The following VSTM2L variants were observed in gnomAD, a reference collection of about 807,000 sequenced individuals.
VSTM2L encodes V-set and transmembrane domain containing 2 like.
VSTM2L carries 9 observed loss-of-function variants against 19.9 expected under a neutral mutation model. The ratio of observed to expected loss-of-function variants is 0.45; its 90% CI spans 0.27 to 0.79. The LOEUF (loss-of-function observed/expected upper bound fraction) is 0.79. Among genes scored for constraint, VSTM2L ranks in the 30% least tolerant of loss-of-function variants. The pLI, the probability that VSTM2L is intolerant of heterozygous loss-of-function variation, is 0.15. For missense variants in VSTM2L, 286 were observed against 295.5 expected (o/e 0.97, Z 0.24); for synonymous variants, 127 against 133.8 (o/e 0.95, Z 0.35).
chr20:37,914,366 A>G (rs1186587570), intron 1 of VSTM2L, among the ~76,000 whole-genome samples: 6 of 1,374 alleles, frequency 4.4e-3, no homozygotes, highest in South Asian at 0.031. Flanking sequence ...GGGTGTTTAT[A>G]TATGTGTGTG....
intron 1 of VSTM2L, among the ~76,000 whole-genome samples, chr20:37,916,587 T>C (rs1023010063): frequency 6.6e-5 from 10 of 152,246 alleles, no homozygotes; most frequent in Non-Finnish European, 1.5e-5. Context: ...CCTGCTCAGC[T>C]ATGTCGGGGT....
chr20:37,909,760 G>T (rs542268363), intron 1 of VSTM2L, among the ~76,000 whole-genome samples: 4 of 152,132 alleles, frequency 2.6e-5, no homozygotes, highest in Non-Finnish European at 5.9e-5. Flanking sequence ...GAGTCCAAGG[G>T]TCGCGCCCTT....
At chr20:37,915,879 C>G (rs2072815716) in intron 1 of VSTM2L, among the ~76,000 whole-genome samples, 1 of 152,178 alleles carries the variant, frequency 6.6e-6, no homozygotes, top group African/African-American at 2.4e-5. Context: ...CTGCCTCCAT[C>G]TGTCCCTGTC....
At position 37,944,825 on chromosome 20, in the gene VSTM2L, G is replaced by GC. The variant is rs1292715371; in HGVS notation, c.*576dup. 1 of 985,928 alleles carries GC rather than the reference G, an allele frequency of 1.0e-6. No homozygotes were observed. Among genetic ancestry groups the GC allele is most frequent in the Non-Finnish European group, 1.2e-6 (1 of 830,142 alleles). 61.1% of individuals were successfully genotyped at this position (985,928 alleles called of 1,614,324 possible). ...TGGAGGCCTAGGGGAACAGCGAGAT[G>GC]CCCCACCACCTCCTGGCGAGTCCTT... On this transcript the variant is annotated 3_prime_UTR_variant, in exon 4 of 4. Coordinates refer to ENST00000373461, the MANE Select transcript of VSTM2L (RefSeq NM_080607.3).
chr20:37,929,858 G>C (rs74929558), intron 1 of VSTM2L, among the ~76,000 whole-genome samples: 9 of 152,216 alleles, frequency 5.9e-5, no homozygotes, highest in East Asian at 1.9e-4. Context: ...CTGGAAGGAG[G>C]GGGTGGCCCT....
chr20:37,934,158 G>A (rs535115584), intron 3 of VSTM2L, among the ~76,000 whole-genome samples: 2 of 152,366 alleles, frequency 1.3e-5, no homozygotes, highest in East Asian at 1.9e-4. Flanking sequence ...CACGCCAAGG[G>A]TGACTGGTGT....
At chr20:37,908,780 T>C (rs2072764275) in intron 1 of VSTM2L, among the ~76,000 whole-genome samples, 1 of 152,186 alleles carries the variant, frequency 6.6e-6, no homozygotes, top group Non-Finnish European at 1.5e-5. Context: ...TCCAGCCTGG[T>C]TGACAAAGTG....
intron 3 of VSTM2L, among the ~76,000 whole-genome samples, chr20:37,940,106 G>A (rs2072963474): frequency 6.6e-6 from 1 of 152,210 alleles, no homozygotes; most frequent in Non-Finnish European, 1.5e-5. Flanking sequence ...TACTCCATTA[G>A]CGCCTTGTAG....
chr20:37,903,186 G>A lies in VSTM2L; in HGVS notation c.-165G>A. ...TCCCCGAAGCCGGGGCTGGGCCGGA[G>A]CCGGGCGAGGGCTGGGAGCTGGGCC... is the stretch of plus-strand genomic sequence containing the variant. On this transcript the variant is annotated 5_prime_UTR_variant, in exon 1 of 4. Transcript: ENST00000373461. The A allele has an allele frequency of 1.1e-6, 1 of 949,198 alleles. No homozygotes were observed. Among genetic ancestry groups the A allele is most frequent in the East Asian group, 3.8e-5 (1 of 26,258 alleles). The allele number at this position is 949,198 out of a possible 1,614,324, so 58.8% of individuals were successfully genotyped here.
intron 1 of VSTM2L, among the ~76,000 whole-genome samples, chr20:37,916,204 C>G (rs1308983049): frequency 1.3e-5 from 2 of 152,230 alleles, no homozygotes; most frequent in Non-Finnish European, 1.5e-5. Context: ...ATGGGCTCAC[C>G]CCACTAGCTT....
At chr20:37,935,074 T>G (rs1279756399) in intron 3 of VSTM2L, among the ~76,000 whole-genome samples, 1 of 152,016 alleles carries the variant, frequency 6.6e-6, no homozygotes. Context: ...TTGCCTGGGG[T>G]TTAAGGAGCG....
intron 2 of VSTM2L, among the ~76,000 whole-genome samples, chr20:37,932,539 G>A (rs757730252): frequency 4.6e-5 from 7 of 152,032 alleles, no homozygotes; most frequent in Admixed American, 1.3e-4. Context: ...CAGCTCCCTC[G>A]CCCTTAGCTG....
intron 3 of VSTM2L, among the ~76,000 whole-genome samples, chr20:37,937,738 G>C (rs1255166508): frequency 6.6e-6 from 1 of 152,154 alleles, no homozygotes; most frequent in East Asian, 1.9e-4. Flanking sequence ...TGTGAGAGAC[G>C]GGTGTTAATC....
At chr20:37,933,422 T>C in intron 2 of VSTM2L, 117 bp from the exon 3 acceptor site, 1 of 838,092 alleles carries the variant, frequency 1.2e-6, no homozygotes, top group Non-Finnish European at 1.9e-6. Context: ...TCTGCTGTCG[T>C]GAGAATCTTA....
chr20:37,907,679 A>ACACACC (rs2072758413), intron 1 of VSTM2L, among the ~76,000 whole-genome samples: 2 of 150,874 alleles, frequency 1.3e-5, no homozygotes, highest in African/African-American at 4.9e-5. Context: ...CTACACACAC[A>ACACACC]CACACCCACA....
chr20:37,929,717 T>C (rs2072897924), intron 1 of VSTM2L, among the ~76,000 whole-genome samples: 1 of 151,750 alleles, frequency 6.6e-6, no homozygotes, highest in Non-Finnish European at 1.5e-5. Context: ...AGGAAGGCAG[T>C]GGAGGTGGGG....
intron 3 of VSTM2L, among the ~76,000 whole-genome samples, chr20:37,936,790 C>T (rs1475667114): frequency 6.6e-6 from 1 of 152,170 alleles, no homozygotes; most frequent in Non-Finnish European, 1.5e-5. Flanking sequence ...TATGAAAACG[C>T]TTTGGAAACT....
rs899740689 is a variant in VSTM2L, at chr20:37,932,813, G to A, written c.292-726G>A. 1.4e-4 allele frequency among the ~76,000 whole-genome samples: 21 copies of A among 152,148 alleles called. 1 individual carries two copies. The highest frequency in any genetic ancestry group is 1.5e-5 in the Non-Finnish European group (1 of 68,044). ...CACATATGTATACACTAATGAACACGCAAACATAGAGATCTGCCCACCCAT... is the reference window on the plus strand; with the variant it reads ...CACATATGTATACACTAATGAACACACAAACATAGAGATCTGCCCACCCAT... On this transcript the variant is annotated intron_variant, in intron 2 of 3. Transcript: ENST00000373461.
At position 37,944,087 on chromosome 20, in the gene VSTM2L, G is replaced by GCAAGGCCCGGCACCACAAGGT; in HGVS notation, c.457_477dup (p.Arg153_Ala159dup). The GCAAGGCCCGGCACCACAAGGT allele has an allele frequency of 6.2e-7, 1 of 1,612,808 alleles. No homozygotes were observed. The highest frequency in any genetic ancestry group is 8.5e-7 in the Non-Finnish European group (1 of 1,179,296). ...TGCCGCGTCATCGACTTCAGCGACG[G>GCAAGGCCCGGCACCACAAGGT]CAAGGCCCGGCACCACAAGGTCAAG... On this transcript the variant is annotated inframe_insertion, in exon 4 of 4. Coordinates refer to ENST00000373461, the MANE Select transcript of VSTM2L (RefSeq NM_080607.3).
Sources: allele counts gnomAD v4.1 joint callset (sites outside exome capture counted in the v4.1 genomes callset), GRCh38; gene constraint gnomAD v4.1.1; transcripts MANE v1.5; gene names NCBI Gene and HGNC (gene_info 2026-07-23, HGNC 2026-07-21).